Variants in UBP1 observed in about 807,000 individuals in gnomAD.
UBP1 encodes upstream binding protein 1, also known as upstream-binding protein 1.
Under a neutral mutation model 76.1 loss-of-function variants are expected in UBP1, and 22 were observed. The observed-to-expected ratio is 0.29, with a 90% CI of 0.21 to 0.41. The LOEUF is 0.41. UBP1 is among the 10% of genes least tolerant of loss of function. The probability of loss-of-function intolerance (pLI) is 1.00; values close to 1 mark genes in which losing one functional copy is unlikely to be tolerated. For missense variants in UBP1, 436 were observed against 668.1 expected (o/e 0.65, Z 3.83); for synonymous variants, 224 against 237.1 (o/e 0.94, Z 0.51).
intron 4 of UBP1, among the ~76,000 whole-genome samples, chr3:33,412,166 AAC>A (rs1419276689): frequency 6.7e-6 from 1 of 148,552 alleles, no homozygotes; most frequent in Non-Finnish European, 1.5e-5. Context: ...CAGCCTGGGC[AAC>A]AGAGCGAAAC....
At chr3:33,401,905 T>C (rs952026836) in intron 9 of UBP1, among the ~76,000 whole-genome samples, 11 of 152,180 alleles carry the variant, frequency 7.2e-5, no homozygotes, top group Admixed American at 3.3e-4. Flanking sequence ...ACTGGTCCTC[T>C]GGTCACTCCT....
At position 33,397,134 on chromosome 3, in the gene UBP1, A is replaced by G. The variant is rs1334098187; in HGVS notation, c.1182T>C (p.Gly394=). Residue 394 remains glycine, a splice_region_variant and synonymous_variant, in exon 12 of 16, where the codon GGT becomes GGC. Transcript: ENST00000283629. ...SYTRLFSNFS[G]ADLLKLTKED... is the part of the protein sequence containing the mutation. ...CCTTTGTCAGTTTTAATAAGTCGGC[A>G]CCTAGAGAAGAGCAAAAATATTTTT... 6 of 1,577,906 alleles carry G rather than the reference A, an allele frequency of 3.8e-6. No individual in the cohort carries two copies. Among genetic ancestry groups the G allele is most frequent in the Admixed American group, 2.0e-5 (1 of 48,916 alleles).
intron 1 of UBP1, among the ~76,000 whole-genome samples, chr3:33,433,632 A>G (rs12107495): frequency 0.43 from 64,398 of 151,318 alleles, 15,749 homozygotes; most frequent in African/African-American, 0.63. Flanking sequence ...CAGCCTGGGT[A>G]ACAGAACAAG....
At chr3:33,404,963 G>A (rs2044378075) in intron 8 of UBP1, among the ~76,000 whole-genome samples, 1 of 152,074 alleles carries the variant, frequency 6.6e-6, no homozygotes, top group Non-Finnish European at 1.5e-5. Flanking sequence ...ATTTTTACAT[G>A]TAATAAATAT....
At chr3:33,417,317 C>T (rs1041580772) in intron 2 of UBP1, among the ~76,000 whole-genome samples, 2 of 150,640 alleles carry the variant, frequency 1.3e-5, no homozygotes, top group African/African-American at 2.4e-5. Context: ...CAACTGCTAG[C>T]GATCACCAAT....
intron 1 of UBP1, among the ~76,000 whole-genome samples, chr3:33,429,504 A>G (rs2045078402): frequency 6.6e-6 from 1 of 152,026 alleles, no homozygotes; most frequent in Non-Finnish European, 1.5e-5. Context: ...TAATGTTTGT[A>G]TTTTTAGTAG....
Position 33,416,491 on chromosome 3 carries a change from C to T in UBP1, c.342+267G>A, listed in dbSNP as rs762668246. On this transcript the variant is annotated intron_variant, in intron 3 of 15. Transcript: ENST00000283629. ...ATATTATCTTTTACTTTTAGAGAGGCTTATAGGTTTTTGTTGTGGTGATGA... is the reference window on the plus strand; with the variant it reads ...ATATTATCTTTTACTTTTAGAGAGGTTTATAGGTTTTTGTTGTGGTGATGA... Among the ~76,000 whole-genome samples, 18 of 152,248 alleles carry T rather than the reference C, an allele frequency of 1.2e-4. No individual in the cohort carries two copies. The South Asian group carries it at 1.5e-3, about 12-fold the overall frequency.
chr3:33,393,441 G>A lies in UBP1; in HGVS notation c.1404C>T (p.Ile468=), dbSNP rs146232029. 10 of 1,592,574 alleles carry A rather than the reference G, an allele frequency of 6.3e-6. No individual in the cohort carries two copies. The African/African-American group carries it at 9.6e-5, about 15-fold the overall frequency. Residue 468 remains isoleucine, a synonymous_variant, in exon 14 of 16, where the codon ATC becomes ATT. Transcript: ENST00000283629. ...CTGAGGCAATCATTTCTTCCAAGTA[G>A]ATTGCATGATAAACTGAAATTAAAA... is the stretch of plus-strand genomic sequence containing the variant. ...GSGAPYVYHA[I]YLEEMIASEV... is the part of the protein sequence containing the mutation.
chr3:33,409,675 G>A, intron 5 of UBP1, 74 bp from the exon 6 acceptor site: 2 of 1,569,866 alleles, frequency 1.3e-6, no homozygotes, highest in Non-Finnish European at 1.7e-6. Flanking sequence ...TCCCTCTTGA[G>A]TGACCTGACA....
At position 33,401,686 on chromosome 3, in the gene UBP1, A is replaced by ACTT. The variant is rs1335664956; in HGVS notation, c.1032-673_1032-671dup. Among the ~76,000 whole-genome samples the ACTT allele has an allele frequency of 3.7e-4, 57 of 152,326 alleles. 1 individual carries two copies. The highest frequency in any genetic ancestry group is 1.3e-3 in the African/African-American group (56 of 41,572). Reference sequence around the variant, plus strand: ...ATTTATATCCTTTCTACCCATAAGAACTTAAGCTCCTTCAGACGGGGGTCT... The same window carrying ACTT: ...ATTTATATCCTTTCTACCCATAAGAACTTCTTAAGCTCCTTCAGACGGGGGTCT... On this transcript the variant is annotated intron_variant, in intron 9 of 15. Transcript: ENST00000283629.
intron 14 of UBP1, 42 bp from the exon 15 acceptor site, chr3:33,392,656 AC>A (rs751376925): frequency 1.7e-5 from 26 of 1,548,846 alleles, no homozygotes; most frequent in Admixed American, 9.5e-5. Flanking sequence ...TTAAGATCCA[AC>A]TGTCGTTTCT....
At chr3:33,395,947 G>A (rs2043975392) in intron 13 of UBP1, among the ~76,000 whole-genome samples, 1 of 151,696 alleles carries the variant, frequency 6.6e-6, no homozygotes, top group Non-Finnish European at 1.5e-5. Context: ...CAGACCCATA[G>A]TGTGGCTGCA....
At chr3:33,408,882 A>C in intron 7 of UBP1, 85 bp from the exon 8 acceptor site, 1 of 1,166,924 alleles carries the variant, frequency 8.6e-7, no homozygotes, top group South Asian at 1.3e-5. Flanking sequence ...TCTTCAGTCC[A>C]ATTAAACAAA....
chr3:33,430,690 G>A lies in UBP1; in HGVS notation c.114-4949C>T, dbSNP rs551270177. Among the ~76,000 whole-genome samples, 6 of 152,160 alleles carry A rather than the reference G, an allele frequency of 3.9e-5. No individual in the cohort carries two copies. In the South Asian group the frequency reaches 8.3e-4, roughly 21 times the overall value. On this transcript the variant is annotated intron_variant, in intron 1 of 15. Coordinates refer to ENST00000283629, the MANE Select transcript of UBP1 (RefSeq NM_014517.5). ...AGGCTCTCCAAAGGCAAACACTGGCGGAAAATTGAAAGAGCGGGAAAGGGA... is the reference window on the plus strand; with the variant it reads ...AGGCTCTCCAAAGGCAAACACTGGCAGAAAATTGAAAGAGCGGGAAAGGGA...
chr3:33,425,720 A>C lies in UBP1; in HGVS notation c.135T>G (p.Ile45Met). 3 of 1,597,396 alleles carry C rather than the reference A, an allele frequency of 1.9e-6. No homozygotes were observed. Among genetic ancestry groups the C allele is most frequent in the Non-Finnish European group, 2.6e-6 (3 of 1,166,992 alleles). Residue 45 changes from isoleucine to methionine, a missense_variant, in exon 2 of 16, where the codon ATT (isoleucine) becomes ATG (methionine). By Grantham distance (10) the Ile-to-Met change is conservative (BLOSUM62 1). Coordinates refer to ENST00000283629, the MANE Select transcript of UBP1 (RefSeq NM_014517.5). ...GAAGGCTGGAATCTTCCTGCTTGAAAATGGGCAATGCCAAGACATCACTGA... is the reference window on the plus strand; with the variant it reads ...GAAGGCTGGAATCTTCCTGCTTGAACATGGGCAATGCCAAGACATCACTGA... ...YSMSDVLALP[I>M]FKQEDSSLPL... is the part of the protein sequence containing the mutation.
At chr3:33,390,519 A>G in intron 15 of UBP1, 151 bp from the exon 16 acceptor site, 1 of 786,412 alleles carries the variant, frequency 1.3e-6, no homozygotes, top group Admixed American at 2.7e-5. Context: ...AACTTGCTCT[A>G]GCTCCTCTTC....
At chr3:33,436,440 C>T (rs1238373193) in intron 1 of UBP1, among the ~76,000 whole-genome samples, 1 of 152,184 alleles carries the variant, frequency 6.6e-6, no homozygotes, top group Non-Finnish European at 1.5e-5. Flanking sequence ...GATGTACCTC[C>T]CATTTCAAAA....
intron 3 of UBP1, among the ~76,000 whole-genome samples, chr3:33,413,475 A>T (rs2044645071): frequency 6.8e-6 from 1 of 146,192 alleles, no homozygotes; most frequent in Non-Finnish European, 1.5e-5. Context: ...TGAACCCGGG[A>T]GGCAGAGCTT....
Position 33,397,153 on chromosome 3 carries a change from T to C in UBP1, c.1181-18A>G. On this transcript the variant is annotated intron_variant, in intron 11 of 15. Coordinates refer to ENST00000283629, the MANE Select transcript of UBP1 (RefSeq NM_014517.5). ...GTCGGCACCTAGAGAAGAGCAAAAA[T>C]ATTTTTCTCAAATAAATGGAAAAAG... 6.4e-7 allele frequency: 1 copy of C among 1,552,362 alleles called. No individual in the cohort carries two copies. The highest frequency in any genetic ancestry group is 1.2e-5 in the South Asian group (1 of 81,868).
Sources: gnomAD v4.1 joint callset for allele counts (sites outside exome capture counted in the v4.1 genomes callset) on GRCh38, gnomAD v4.1.1 for gene constraint, MANE v1.5 for transcripts, NCBI Gene and HGNC (gene_info 2026-07-23, HGNC 2026-07-21) for gene names.